The following EBF4 variants were observed in gnomAD, a reference collection of about 807,000 sequenced individuals.
The protein encoded by EBF4 is transcription factor COE4.
A neutral mutation model predicts 67.1 loss-of-function variants in EBF4; 34 were observed. That is an observed-to-expected ratio of 0.51 (90% CI 0.39 to 0.67). EBF4 has a LOEUF of 0.67. Ranked by LOEUF, EBF4 falls within the 30% of genes least tolerant of loss-of-function variation. The pLI is 0.00. For missense variants in EBF4, 837 were observed against 873.3 expected, an observed-to-expected ratio of 0.96 and a Z score of 0.52; for synonymous variants, 387 against 377.7, an observed-to-expected ratio of 1.02 and a Z score of -0.29.
At chr20:2,720,014 A>G (rs2087659328) in intron 6 of EBF4, among the ~76,000 whole-genome samples, 1 of 152,176 alleles carries the variant, frequency 6.6e-6, no homozygotes, top group African/African-American at 2.4e-5. Context: ...ACATTTGTCT[A>G]TTTCTCCTTG....
rs889682045 is a variant in EBF4, at chr20:2,755,599, GC to G, written c.1541-26del. ...TGTCTCCCACCACCTTCCCTGCTGC[GC>G]CTGCCCCTCCCCGCCCCGCCCCGGA... On this transcript the variant is annotated intron_variant, in intron 14 of 16. Transcript: ENST00000609451. The surrounding 1 kb of genome is among the most constrained non-coding windows in gnomAD (Gnocchi z 4.7). 2.7e-6 allele frequency: 3 copies of G among 1,120,836 alleles called. No individual in the cohort carries two copies. Among genetic ancestry groups the G allele is most frequent in the Non-Finnish European group, 4.0e-6 (3 of 759,044 alleles). The allele number at this position is 1,120,836 out of a possible 1,614,324, so 69.4% of individuals were successfully genotyped here.
intron 6 of EBF4, among the ~76,000 whole-genome samples, chr20:2,742,185 A>T (rs2087977940): frequency 6.6e-6 from 1 of 152,142 alleles, no homozygotes. Context: ...ACCCGTTTTC[A>T]TATCCTTACT....
At position 2,745,779 on chromosome 20, in the gene EBF4, T is replaced by C. The variant is rs1391344341; in HGVS notation, c.558-2770T>C. ...CTTCATGGGTGTGGAAGGATTTACC[T>C]ACCCCGGGTCATGCAGAGAGTCCAG... is the stretch of plus-strand genomic sequence containing the variant. On this transcript the variant is annotated intron_variant, in intron 6 of 16. Transcript: ENST00000609451. The surrounding 1 kb of genome is among the most constrained non-coding windows in gnomAD (Gnocchi z 5.2). 6.6e-6 allele frequency among the ~76,000 whole-genome samples: 1 copy of C among 152,132 alleles called. No homozygotes were observed. Among genetic ancestry groups the C allele is most frequent in the Admixed American group, 6.6e-5 (1 of 15,264 alleles).
chr20:2,712,437 A>C (rs937177264), intron 6 of EBF4, among the ~76,000 whole-genome samples: 7 of 152,184 alleles, frequency 4.6e-5, no homozygotes, highest in African/African-American at 1.7e-4. Flanking sequence ...AGATGTCTCC[A>C]AGGTTTCTGA....
chr20:2,731,615 A>G (rs944348915), intron 6 of EBF4, among the ~76,000 whole-genome samples: 2 of 152,340 alleles, frequency 1.3e-5, no homozygotes, highest in Non-Finnish European at 2.9e-5. Context: ...AGGAAGCTAG[A>G]TAACGGGGAC....
chr20:2,708,566 T>C (rs929658723), intron 5 of EBF4, among the ~76,000 whole-genome samples: 7 of 152,044 alleles, frequency 4.6e-5, no homozygotes, highest in African/African-American at 1.7e-4. Context: ...AGAACAGGGT[T>C]CTGAAATCTG....
chr20:2,752,401 C>A, exon 14 of EBF4: 1 of 1,272,276 alleles, frequency 7.9e-7, no homozygotes. Flanking sequence ...CGGGTTCGCG[C>A]CCAGCCCCGG....
chr20:2,730,194 TC>T (rs1250457876), intron 6 of EBF4, among the ~76,000 whole-genome samples: 2 of 152,262 alleles, frequency 1.3e-5, no homozygotes, highest in East Asian at 3.9e-4. Context: ...ATGTTAATTA[TC>T]TCCCCATTCT....
chr20:2,725,595 GT>G (rs1227069545), intron 6 of EBF4, among the ~76,000 whole-genome samples: 5 of 152,134 alleles, frequency 3.3e-5, no homozygotes, highest in African/African-American at 1.2e-4. Flanking sequence ...TTGTTTCTGT[GT>G]TTGGTCTTTT....
At chr20:2,752,107 G>A in exon 13 of EBF4, 2 of 1,461,398 alleles carry the variant, frequency 1.4e-6, no homozygotes, top group Admixed American at 2.7e-5. Context: ...GAAGCGCGCG[G>A]CGGACGTGGC....
chr20:2,729,225 G>C (rs1209654477), intron 6 of EBF4, among the ~76,000 whole-genome samples: 1 of 151,612 alleles, frequency 6.6e-6, no homozygotes, highest in African/African-American at 2.4e-5. Flanking sequence ...AGCCTTCGCC[G>C]ACTCCTATTG....
At chr20:2,699,939 T>C (rs2087350326) in intron 1 of EBF4, among the ~76,000 whole-genome samples, 1 of 152,182 alleles carries the variant, frequency 6.6e-6, no homozygotes, top group Non-Finnish European at 1.5e-5. Context: ...GGACCATTGG[T>C]CAAGGCTCTG....
At chr20:2,700,720 T>TACCCCCAAGG (rs201188811) in intron 1 of EBF4, among the ~76,000 whole-genome samples, 5 of 152,144 alleles carry the variant, frequency 3.3e-5, no homozygotes, top group Non-Finnish European at 2.9e-5. Flanking sequence ...GAGCATCAGC[T>TACCCCCAAGG]TGTAATCAGC....
rs533744751 is a variant in EBF4, at chr20:2,694,129, G to A, written c.137+347G>A. On this transcript the variant is annotated intron_variant, in intron 1 of 16. Transcript: ENST00000609451. ...GCCACCGGCCGTCTAGGAACGTCCAGCCCCTCCTTCCTGGGCAGTCCCAGT... is the reference window on the plus strand; with the variant it reads ...GCCACCGGCCGTCTAGGAACGTCCAACCCCTCCTTCCTGGGCAGTCCCAGT... 7.0e-4 allele frequency among the ~76,000 whole-genome samples: 107 copies of A among 152,360 alleles called. No individual in the cohort carries two copies. In the South Asian group the frequency reaches 0.014, roughly 20 times the overall value.
intron 6 of EBF4, among the ~76,000 whole-genome samples, chr20:2,728,341 C>T (rs1021969346): frequency 1.3e-5 from 2 of 152,156 alleles, no homozygotes; most frequent in African/African-American, 4.8e-5. Flanking sequence ...GTAACAAACT[C>T]CAGAGATTGT....
Position 2,745,756 on chromosome 20 carries a change from T to C in EBF4, c.558-2793T>C, listed in dbSNP as rs1434539290. On this transcript the variant is annotated intron_variant, in intron 6 of 16. Transcript: ENST00000609451. The surrounding 1 kb of genome is among the most constrained non-coding windows in gnomAD (Gnocchi z 5.2). ...GCAGCCGTCAATCGCTACTCTCCCT[T>C]CATGGGTGTGGAAGGATTTACCTAC... 6.6e-6 allele frequency among the ~76,000 whole-genome samples: 1 copy of C among 152,028 alleles called. No individual in the cohort carries two copies. Among genetic ancestry groups the C allele is most frequent in the Non-Finnish European group, 1.5e-5 (1 of 67,992 alleles).
At position 2,707,207 on chromosome 20, in the gene EBF4, A is replaced by G. The variant is rs556456063; in HGVS notation, c.415-740A>G. ...CTGGGCTGGGGGAGGCAGGCCAGGC[A>G]GTGCCTAGTGGAACTGTCAAGGGGA... is the stretch of plus-strand genomic sequence containing the variant. On this transcript the variant is annotated intron_variant, in intron 4 of 16. Transcript: ENST00000609451. The surrounding 1 kb of genome is among the most constrained non-coding windows in gnomAD (Gnocchi z 4.6). Among the ~76,000 whole-genome samples, 179 of 152,196 alleles carry G rather than the reference A, an allele frequency of 1.2e-3. No homozygotes were observed. The highest frequency in any genetic ancestry group is 4.2e-3 in the African/African-American group (174 of 41,504).
intron 6 of EBF4, among the ~76,000 whole-genome samples, chr20:2,726,537 T>C (rs955067459): frequency 6.6e-6 from 1 of 151,238 alleles, no homozygotes; most frequent in African/African-American, 2.4e-5. Flanking sequence ...GCTATGATTG[T>C]ACCACTACAC....
intron 6 of EBF4, among the ~76,000 whole-genome samples, chr20:2,743,668 A>G (rs1280005314): frequency 6.6e-6 from 1 of 152,146 alleles, no homozygotes; most frequent in Non-Finnish European, 1.5e-5. Flanking sequence ...CTGGAATAAG[A>G]TGGCCAAATT....
Sources: allele counts gnomAD v4.1 joint callset (sites outside exome capture counted in the v4.1 genomes callset), GRCh38; gene constraint gnomAD v4.1.1; non-coding constraint Gnocchi (gnomAD v3.1); transcripts MANE v1.5; gene names NCBI Gene and HGNC (gene_info 2026-07-23, HGNC 2026-07-21).